DPH6: variants seen among roughly 807,000 people sequenced by gnomAD.
The protein encoded by DPH6 is diphthamine biosynthesis 6.
A neutral mutation model predicts 38.2 loss-of-function variants in DPH6; 33 were observed. That is an observed-to-expected ratio of 0.86 (90% confidence interval 0.65 to 1.15). The LOEUF is 1.15. Among genes scored for constraint, DPH6 ranks in the 50% most tolerant of loss-of-function variants. The pLI, the probability that DPH6 is intolerant of heterozygous loss-of-function variation, is 0.00. For missense variants in DPH6, 325 were observed against 320.0 expected, an observed-to-expected ratio of 1.02 and a Z score of -0.12; for synonymous variants, 108 against 103.0, an observed-to-expected ratio of 1.05 and a Z score of -0.30.
At chr15:35,357,620 T>C (rs1257736027) in intron 3 of DPH6, among the ~76,000 whole-genome samples, 1 of 152,228 alleles carries the variant, frequency 6.6e-6, no homozygotes, top group Non-Finnish European at 1.5e-5. Flanking sequence ...AAAATGACTG[T>C]ATCTTTCCTT....
At chr15:35,276,928 A>G (rs1374955039) in intron 3 of DPH6, among the ~76,000 whole-genome samples, 1 of 152,090 alleles carries the variant, frequency 6.6e-6, no homozygotes, top group African/African-American at 2.4e-5. Flanking sequence ...TTTTGGTTCC[A>G]TATGAATTTT....
chr15:35,486,018 T>C (rs2054393163), intron 3 of DPH6, among the ~76,000 whole-genome samples: 1 of 152,202 alleles, frequency 6.6e-6, no homozygotes, highest in South Asian at 2.1e-4. Flanking sequence ...ATTAGTCCAT[T>C]CTCATGCTGC....
intron 3 of DPH6, among the ~76,000 whole-genome samples, chr15:35,485,014 C>A (rs2054378448): frequency 6.6e-6 from 1 of 152,118 alleles, no homozygotes; most frequent in African/African-American, 2.4e-5. Flanking sequence ...AAAAAATTAA[C>A]ATTTATTGAC....
intron 3 of DPH6, 170 bp downstream of exon 3, chr15:35,538,104 A>G: frequency 2.3e-6 from 1 of 439,420 alleles, no homozygotes; most frequent in Non-Finnish European, 4.0e-6. Context: ...TTTAATATAA[A>G]GGCATACTAA....
chr15:35,468,999 C>T (rs904329674), intron 3 of DPH6, among the ~76,000 whole-genome samples: 2 of 151,986 alleles, frequency 1.3e-5, no homozygotes, highest in African/African-American at 2.4e-5. Context: ...ATCCGGGAGG[C>T]GGAGGTTGCA....
chr15:35,287,210 A>C (rs766665995), intron 3 of DPH6, among the ~76,000 whole-genome samples: 1 of 152,160 alleles, frequency 6.6e-6, no homozygotes, highest in Non-Finnish European at 1.5e-5. Flanking sequence ...GTTCACAAAA[A>C]ATCTAGTTTT....
At chr15:35,307,338 A>T (rs1030312543) in intron 3 of DPH6, among the ~76,000 whole-genome samples, 1 of 152,200 alleles carries the variant, frequency 6.6e-6, no homozygotes, top group Admixed American at 6.5e-5. Context: ...AAACCAAAAC[A>T]AAGAATTCTC....
At chr15:35,540,848 T>C (rs997634459) in intron 2 of DPH6, among the ~76,000 whole-genome samples, 1 of 152,086 alleles carries the variant, frequency 6.6e-6, no homozygotes, top group Non-Finnish European at 1.5e-5. Context: ...ACTCCAGTGA[T>C]GAAATTATAA....
intron 3 of DPH6, among the ~76,000 whole-genome samples, chr15:35,338,435 T>A (rs1309948178): frequency 1.3e-5 from 2 of 152,198 alleles, no homozygotes; most frequent in Non-Finnish European, 2.9e-5. Context: ...GAAAGAATGC[T>A]CACCATCACT....
rs2053427479 is a variant in DPH6 at position 35,415,705 on chromosome 15, C to T, written c.506-4809G>A. Among the ~76,000 whole-genome samples, 3 of 152,114 alleles carry T rather than the reference C, an allele frequency of 2.0e-5. No individual in the cohort carries two copies. In the South Asian group the frequency reaches 6.2e-4, roughly 32 times the overall value. On this transcript the variant is annotated intron_variant, in intron 5 of 8. Coordinates refer to ENST00000256538, the MANE Select transcript of DPH6 (RefSeq NM_080650.4). Reference sequence around the variant, plus strand: ...GGTAAAAATTAGTTGGCCATTTAAACACTTTTCTGTATTCATGAAAGTATT... The same window carrying T: ...GGTAAAAATTAGTTGGCCATTTAAATACTTTTCTGTATTCATGAAAGTATT...
At chr15:35,448,275 C>T (rs1542376) in intron 5 of DPH6, among the ~76,000 whole-genome samples, 101,134 of 151,950 alleles carry the variant, frequency 0.67, 36,271 homozygotes, top group South Asian at 0.84. Flanking sequence ...GAAGCCTACC[C>T]CAGTTACTGG....
At chr15:35,467,883 A>G (rs892924359) in intron 3 of DPH6, among the ~76,000 whole-genome samples, 3 of 152,004 alleles carry the variant, frequency 2.0e-5, no homozygotes, top group African/African-American at 7.3e-5. Context: ...CACATGAGTA[A>G]AATGTTGTGC....
chr15:35,479,676 TCTC>T (rs2054303381), intron 3 of DPH6, among the ~76,000 whole-genome samples: 1 of 152,020 alleles, frequency 6.6e-6, no homozygotes, highest in Non-Finnish European at 1.5e-5. Context: ...GGCTTTCTGG[TCTC>T]CTCTCACATC....
intron 3 of DPH6, among the ~76,000 whole-genome samples, chr15:35,527,161 T>G (rs1175444724): frequency 6.6e-6 from 1 of 152,108 alleles, no homozygotes; most frequent in African/African-American, 2.4e-5. Context: ...CACTTAATAT[T>G]AATATACTAA....
chr15:35,522,012 C>T, intron 3 of DPH6: 1 of 1,513,118 alleles, frequency 6.6e-7, no homozygotes. Flanking sequence ...GAATGAAAAA[C>T]AGGGACAGAT....
chr15:35,232,213 G>A (rs1425234542), intron 3 of DPH6, among the ~76,000 whole-genome samples: 2 of 152,174 alleles, frequency 1.3e-5, no homozygotes, highest in Non-Finnish European at 2.9e-5. Flanking sequence ...TAGGTCAAGT[G>A]TTGGAAAGAC....
chr15:35,340,677 C>A (rs2052413940), intron 3 of DPH6, among the ~76,000 whole-genome samples: 1 of 152,144 alleles, frequency 6.6e-6, no homozygotes, highest in South Asian at 2.1e-4. Context: ...GTTGGAAATT[C>A]TTTTCTTTAA....
At chr15:35,255,827 TCATTCTATCCATTAGGATTAG>T (rs2051704283) in intron 3 of DPH6, among the ~76,000 whole-genome samples, 1 of 151,632 alleles carries the variant, frequency 6.6e-6, no homozygotes, top group Non-Finnish European at 1.5e-5. Flanking sequence ...AGAAGATTAT[TCATTCTATCCATTAGGATTAG>T]TTTTATTTTC....
Position 35,416,694 on chromosome 15 carries a change from T to G in DPH6, c.506-5798A>C, listed in dbSNP as rs74770750. 1.1e-4 allele frequency among the ~76,000 whole-genome samples: 16 copies of G among 152,206 alleles called. No homozygotes were observed. The East Asian group carries it at 3.1e-3, about 29-fold the overall frequency. ...ACTTTATCTGAATATCTGAATACTTTATCTGAGCACAGTCTGCCTTTGCTT... is the reference window on the plus strand; with the variant it reads ...ACTTTATCTGAATATCTGAATACTTGATCTGAGCACAGTCTGCCTTTGCTT... On this transcript the variant is annotated intron_variant, in intron 5 of 8. Transcript: ENST00000256538.
Sources: gnomAD v4.1 joint callset for allele counts (sites outside exome capture counted in the v4.1 genomes callset) on GRCh38, gnomAD v4.1.1 for gene constraint, MANE v1.5 for transcripts, NCBI Gene and HGNC (gene_info 2026-07-23, HGNC 2026-07-21) for gene names.